Variants in RAB31 observed in about 807,000 individuals in gnomAD.
RAB31 encodes the protein ras-related protein Rab-31.
In RAB31, 21 loss-of-function variants were observed where a neutral mutation model predicts 25.6. The ratio of observed to expected loss-of-function variants is 0.82; its 90% confidence interval spans 0.58 to 1.18. The LOEUF is 1.18. Among genes scored for constraint, RAB31 ranks in the 50% most tolerant of loss-of-function variants. The pLI is 0.00. For synonymous variants in RAB31, 87 were observed against 84.0 expected, an observed-to-expected ratio of 1.04 and a Z score of -0.20; for missense variants, 196 against 250.1, an observed-to-expected ratio of 0.78 and a Z score of 1.46.
intron 3 of RAB31, among the ~76,000 whole-genome samples, chr18:9,794,154 C>T (rs1334577754): frequency 6.6e-6 from 1 of 152,178 alleles, no homozygotes; most frequent in Admixed American, 6.5e-5. Flanking sequence ...CTTGGCCTTC[C>T]AAAGTGCTGG....
At chr18:9,824,400 A>C (rs1036910223) in intron 5 of RAB31, among the ~76,000 whole-genome samples, 1 of 131,750 alleles carries the variant, frequency 7.6e-6, no homozygotes, top group South Asian at 2.6e-4. Flanking sequence ...GTGTAGATGT[A>C]TGTGTATATG....
At chr18:9,822,066 T>C (rs563020193) in intron 5 of RAB31, among the ~76,000 whole-genome samples, 2 of 152,296 alleles carry the variant, frequency 1.3e-5, no homozygotes, top group South Asian at 4.1e-4. Context: ...AGGCTTACCA[T>C]ATAGCTACAG....
At chr18:9,813,987 T>C in intron 3 of RAB31, 33 bp from the exon 4 acceptor site, 1 of 1,459,528 alleles carries the variant, frequency 6.9e-7, no homozygotes, top group Middle Eastern at 1.7e-4. Context: ...GTCTGTTCAC[T>C]TTGGCCTAAA....
At chr18:9,815,040 T>G in intron 4 of RAB31, 76 bp from the exon 5 acceptor site, 1 of 1,064,034 alleles carries the variant, frequency 9.4e-7, no homozygotes, top group Non-Finnish European at 1.4e-6. Flanking sequence ...TAAATTGTAC[T>G]GGGCTTGTAT....
chr18:9,767,521 C>T (rs546849302), intron 1 of RAB31, among the ~76,000 whole-genome samples: 1 of 152,282 alleles, frequency 6.6e-6, no homozygotes, highest in East Asian at 1.9e-4. Flanking sequence ...CCAGAGAGGA[C>T]AGCCTTTTCT....
chr18:9,850,440 A>G (rs2068783575), intron 6 of RAB31, among the ~76,000 whole-genome samples: 1 of 152,118 alleles, frequency 6.6e-6, no homozygotes, highest in African/African-American at 2.4e-5. Context: ...GTGGATTTTA[A>G]TTACTTAACT....
chr18:9,840,862 G>A (rs571919490), intron 5 of RAB31, among the ~76,000 whole-genome samples: 28 of 152,252 alleles, frequency 1.8e-4, no homozygotes, highest in African/African-American at 6.7e-4. Flanking sequence ...CAGAACTCAG[G>A]AAAGCACTGT....
intron 2 of RAB31, among the ~76,000 whole-genome samples, chr18:9,785,587 C>G (rs2145496519): frequency 6.6e-6 from 1 of 152,330 alleles, no homozygotes; most frequent in South Asian, 2.1e-4. Context: ...CTCCTGTCCT[C>G]CTTTTACCTG....
At chr18:9,813,226 C>T (rs1421605949) in intron 3 of RAB31, among the ~76,000 whole-genome samples, 1 of 152,162 alleles carries the variant, frequency 6.6e-6, no homozygotes, top group Non-Finnish European at 1.5e-5. Flanking sequence ...GGAGAGGTGG[C>T]AGCCCCTCCA....
At position 9,708,311 on chromosome 18, in the gene RAB31, C is replaced by T; in HGVS notation, c.-95C>T. On this transcript the variant is annotated 5_prime_UTR_variant, in exon 1 of 7. Coordinates refer to ENST00000578921, the MANE Select transcript of RAB31 (RefSeq NM_006868.4). The surrounding 1 kb of genome is among the most constrained non-coding windows in gnomAD (Gnocchi z 6.4). Reference sequence around the variant, plus strand: ...GCGGCGGTTCCGCCCGCGGGCGGCGCGAGCGAGGGGCAGAGGCGAGAGACG... The same window carrying T: ...GCGGCGGTTCCGCCCGCGGGCGGCGTGAGCGAGGGGCAGAGGCGAGAGACG... 3.2e-6 allele frequency: 3 copies of T among 923,702 alleles called. No homozygotes were observed. Among genetic ancestry groups the T allele is most frequent in the Non-Finnish European group, 4.2e-6 (3 of 709,432 alleles). 57.2% of individuals were successfully genotyped at this position (923,702 alleles called of 1,614,324 possible).
At chr18:9,806,398 T>G (rs1568183894) in intron 3 of RAB31, among the ~76,000 whole-genome samples, 1 of 152,012 alleles carries the variant, frequency 6.6e-6, no homozygotes, top group East Asian at 1.9e-4. Context: ...TGGCAGTTGA[T>G]TAAAGGTGTG....
At chr18:9,743,740 G>A (rs1465364581) in intron 1 of RAB31, among the ~76,000 whole-genome samples, 1 of 152,242 alleles carries the variant, frequency 6.6e-6, no homozygotes, top group South Asian at 2.1e-4. Flanking sequence ...TGAAGCCACC[G>A]CAGCACCATG....
chr18:9,719,312 TATATATATATATATATAAATAAATAA>T (rs1165236960), intron 1 of RAB31, among the ~76,000 whole-genome samples: 3 of 65,732 alleles, frequency 4.6e-5, no homozygotes, highest in Admixed American at 2.0e-4. Context: ...TATATATATA[TATATATATATATATATAAATAAATAA>T]ATTTGATCTA....
At chr18:9,754,072 C>A (rs1391358544) in intron 1 of RAB31, among the ~76,000 whole-genome samples, 2 of 152,092 alleles carry the variant, frequency 1.3e-5, no homozygotes, top group South Asian at 4.2e-4. Flanking sequence ...TGCCACTCTG[C>A]GTCATGAAGA....
chr18:9,825,546 T>C (rs1299696994), intron 5 of RAB31, among the ~76,000 whole-genome samples: 1 of 152,220 alleles, frequency 6.6e-6, no homozygotes, highest in African/African-American at 2.4e-5. Context: ...CCAGAGATTT[T>C]GATTCAATAG....
rs539070597 is a variant in RAB31 at position 9,799,054 on chromosome 18, A to G, written c.201+6819A>G. 4.6e-5 allele frequency among the ~76,000 whole-genome samples: 7 copies of G among 152,308 alleles called. No individual in the cohort carries two copies. The South Asian group carries it at 1.4e-3, about 32-fold the overall frequency. ...AGCTGAGATTGCACCACTGTACCCC[A>G]ATCTGGGTGAAAGAGCAAGACTCCA... On this transcript the variant is annotated intron_variant, in intron 3 of 6. Coordinates refer to ENST00000578921, the MANE Select transcript of RAB31 (RefSeq NM_006868.4).
At chr18:9,840,575 C>G (rs2068728458) in intron 5 of RAB31, among the ~76,000 whole-genome samples, 1 of 152,210 alleles carries the variant, frequency 6.6e-6, no homozygotes, top group South Asian at 2.1e-4. Flanking sequence ...TCGCAAAACT[C>G]TCCTCACAGA....
chr18:9,748,680 C>A (rs1011801696), intron 1 of RAB31, among the ~76,000 whole-genome samples: 2 of 151,998 alleles, frequency 1.3e-5, no homozygotes, highest in Admixed American at 6.6e-5. Flanking sequence ...ATCACGAGCT[C>A]AGGAGTTCGA....
Position 9,795,826 on chromosome 18 carries a change from GA to G in RAB31, c.201+3592del, listed in dbSNP as rs199849975. On this transcript the variant is annotated intron_variant, in intron 3 of 6. Transcript: ENST00000578921. The stretch of plus-strand genomic sequence containing the variant: ...TAACCACTGTGGAAAACAGTATGGA[GA>G]TTCCTTAAAGAACTAAAAGTAGATC... Among the ~76,000 whole-genome samples the G allele has an allele frequency of 5.8e-3, 882 of 152,324 alleles. 5 individuals are homozygous for G. Among genetic ancestry groups the G allele is most frequent in the Non-Finnish European group, 8.9e-3 (607 of 68,022 alleles).
Sources: allele counts gnomAD v4.1 joint callset (sites outside exome capture counted in the v4.1 genomes callset), GRCh38; gene constraint gnomAD v4.1.1; non-coding constraint Gnocchi (gnomAD v3.1); transcripts MANE v1.5; gene names NCBI Gene and HGNC (gene_info 2026-07-23, HGNC 2026-07-21).